CAMK4: variants seen among roughly 807,000 people sequenced by gnomAD.
The protein encoded by CAMK4 is calcium/calmodulin-dependent protein kinase type IV.
CAMK4 carries 22 observed loss-of-function variants against 44.9 expected under a neutral mutation model. The observed-to-expected ratio is 0.49, with a 90% CI of 0.35 to 0.70. The LOEUF is 0.70. Among genes scored for constraint, CAMK4 ranks in the 30% least tolerant of loss-of-function variants. CAMK4 has a pLI of 0.01. For missense variants in CAMK4, 498 were observed against 586.8 expected (o/e 0.85, Z 1.56); for synonymous variants, 218 against 215.4 (o/e 1.01, Z -0.11).
intron 1 of CAMK4, among the ~76,000 whole-genome samples, chr5:111,333,362 A>G (rs1749255721): frequency 6.6e-6 from 1 of 151,582 alleles, no homozygotes; most frequent in Non-Finnish European, 1.5e-5. Context: ...AAGATGTTTG[A>G]TTAGTTGATA....
At chr5:111,337,683 A>C (rs868511501) in intron 1 of CAMK4, among the ~76,000 whole-genome samples, 2 of 151,152 alleles carry the variant, frequency 1.3e-5, no homozygotes, top group African/African-American at 4.8e-5. Context: ...GGTTGTATAA[A>C]AAGTAGAAAT....
At chr5:111,458,083 G>T (rs1405761127) in intron 7 of CAMK4, among the ~76,000 whole-genome samples, 1 of 152,126 alleles carries the variant, frequency 6.6e-6, no homozygotes, top group African/African-American at 2.4e-5. Context: ...TGCTAACCAG[G>T]TGTGGAGGGT....
intron 1 of CAMK4, among the ~76,000 whole-genome samples, chr5:111,268,000 C>T (rs1750338952): frequency 6.6e-6 from 1 of 152,096 alleles, no homozygotes; most frequent in Non-Finnish European, 1.5e-5. Context: ...TTGAGGCTGT[C>T]AGTGTTTTCC....
At chr5:111,388,771 A>T (rs990865029) in intron 4 of CAMK4, among the ~76,000 whole-genome samples, 1 of 152,210 alleles carries the variant, frequency 6.6e-6, no homozygotes, top group Non-Finnish European at 1.5e-5. Flanking sequence ...ATATTTATTG[A>T]ATAAATAAAT....
At chr5:111,460,546 C>T (rs989559245) in intron 7 of CAMK4, among the ~76,000 whole-genome samples, 10 of 152,098 alleles carry the variant, frequency 6.6e-5, no homozygotes, top group African/African-American at 1.4e-4. Flanking sequence ...ACACTTAACA[C>T]GAGACACTTT....
intron 7 of CAMK4, among the ~76,000 whole-genome samples, chr5:111,466,389 C>T (rs1023849145): frequency 4.6e-5 from 7 of 152,008 alleles, no homozygotes; most frequent in Non-Finnish European, 7.4e-5. Flanking sequence ...GTATCCAAAT[C>T]GGTAATGAGG....
chr5:111,433,205 A>G (rs1023212365), intron 5 of CAMK4, among the ~76,000 whole-genome samples: 1 of 152,218 alleles, frequency 6.6e-6, no homozygotes, highest in Non-Finnish European at 1.5e-5. Flanking sequence ...GGACTGCTCC[A>G]TAACATCTAG....
intron 7 of CAMK4, among the ~76,000 whole-genome samples, chr5:111,464,208 C>T (rs1413235480): frequency 1.3e-5 from 2 of 149,430 alleles, no homozygotes; most frequent in African/African-American, 2.4e-5. Flanking sequence ...AAAGTCTCAG[C>T]GATAGACCTG....
intron 1 of CAMK4, among the ~76,000 whole-genome samples, chr5:111,271,696 T>C (rs1382246407): frequency 6.6e-6 from 1 of 152,200 alleles, no homozygotes; most frequent in African/African-American, 2.4e-5. Flanking sequence ...AATTACCAAA[T>C]ATTTGGCAAG....
intron 4 of CAMK4, among the ~76,000 whole-genome samples, chr5:111,384,739 T>C (rs956424303): frequency 1.3e-4 from 20 of 152,220 alleles, no homozygotes; most frequent in African/African-American, 4.8e-4. Flanking sequence ...TCTGCCCTGT[T>C]GCACCTTTGC....
chr5:111,427,789 A>T (rs1753282981), intron 5 of CAMK4, among the ~76,000 whole-genome samples: 1 of 152,192 alleles, frequency 6.6e-6, no homozygotes, highest in Non-Finnish European at 1.5e-5. Context: ...GCACTTCTGG[A>T]CCCAGCGGGG....
intron 8 of CAMK4, among the ~76,000 whole-genome samples, chr5:111,475,164 AAAAACAAAAC>A (rs905931864): frequency 6.6e-6 from 1 of 152,118 alleles, no homozygotes; most frequent in Admixed American, 6.5e-5. Flanking sequence ...ACTCAAAAAC[AAAAACAAAAC>A]AAAACAAAAC....
intron 9 of CAMK4, among the ~76,000 whole-genome samples, chr5:111,481,497 G>C (rs1755432711): frequency 6.6e-6 from 1 of 152,158 alleles, no homozygotes; most frequent in Non-Finnish European, 1.5e-5. Flanking sequence ...AGTGAAGAGA[G>C]AACCAGATAG....
intron 1 of CAMK4, among the ~76,000 whole-genome samples, chr5:111,234,422 A>G (rs1454482506): frequency 6.6e-6 from 1 of 152,206 alleles, no homozygotes; most frequent in Non-Finnish European, 1.5e-5. Context: ...CACATCAAGC[A>G]GAGGGTGAAC....
At chr5:111,283,283 T>C (rs1422451705) in intron 1 of CAMK4, among the ~76,000 whole-genome samples, 3 of 152,172 alleles carry the variant, frequency 2.0e-5, no homozygotes, top group Non-Finnish European at 4.4e-5. Flanking sequence ...TATATGTAGA[T>C]CTTAAGTCAT....
intron 1 of CAMK4, among the ~76,000 whole-genome samples, chr5:111,340,900 G>A (rs188384980): frequency 6.7e-6 from 1 of 150,114 alleles, no homozygotes; most frequent in African/African-American, 2.4e-5. Flanking sequence ...ACTCATTATT[G>A]GTCTGTTCAG....
At chr5:111,281,671 A>C (rs1425900172) in intron 1 of CAMK4, among the ~76,000 whole-genome samples, 2 of 152,166 alleles carry the variant, frequency 1.3e-5, no homozygotes, top group African/African-American at 2.4e-5. Flanking sequence ...AGTTCATGAG[A>C]GTTTGAAGCC....
At chr5:111,252,076 T>G (rs1164731186) in intron 1 of CAMK4, among the ~76,000 whole-genome samples, 3 of 152,342 alleles carry the variant, frequency 2.0e-5, no homozygotes, top group Admixed American at 6.5e-5. Flanking sequence ...GGCAGAGTTA[T>G]GGGATGCCAA....
intron 4 of CAMK4, among the ~76,000 whole-genome samples, chr5:111,381,551 T>G (rs1206545416): frequency 6.6e-6 from 1 of 152,132 alleles, no homozygotes; most frequent in East Asian, 1.9e-4. Flanking sequence ...TTCTGCCTGC[T>G]TTTATCCTAG....
Sources: gnomAD v4.1 joint callset for allele counts (sites outside exome capture counted in the v4.1 genomes callset) on GRCh38, gnomAD v4.1.1 for gene constraint, MANE v1.5 for transcripts, NCBI Gene and HGNC (gene_info 2026-07-23, HGNC 2026-07-21) for gene names.